Variants in TRANK1 observed in about 807,000 individuals in gnomAD.
TRANK1 encodes the protein TPR and ankyrin repeat-containing protein 1.
In TRANK1, 198 loss-of-function variants were observed where a neutral mutation model predicts 266.0. The observed-to-expected ratio is 0.74, with a 90% CI of 0.66 to 0.84. The LOEUF (loss-of-function observed/expected upper bound fraction) is 0.84, where lower values mean the gene tolerates loss of function less well. Ranked by LOEUF, TRANK1 falls within the 40% of genes least tolerant of loss-of-function variation. The probability of loss-of-function intolerance (pLI) is 0.00; values close to 1 mark genes in which losing one functional copy is unlikely to be tolerated. For missense variants in TRANK1, 3,326 were observed against 3,634.6 expected, an observed-to-expected ratio of 0.92 and a Z score of 2.18; for synonymous variants, 1,396 against 1,384.1, an observed-to-expected ratio of 1.01 and a Z score of -0.19.
intron 1 of TRANK1, among the ~76,000 whole-genome samples, chr3:36,926,532 A>T (rs192294869): frequency 3.3e-5 from 5 of 152,302 alleles, no homozygotes; most frequent in East Asian, 3.9e-4. Flanking sequence ...CAAATAGGGA[A>T]GGCACCAGAA....
chr3:36,861,898 G>A (rs1013769597), intron 10 of TRANK1, among the ~76,000 whole-genome samples: 1 of 151,738 alleles, frequency 6.6e-6, no homozygotes, highest in Non-Finnish European at 1.5e-5. Context: ...GTAGATACAG[G>A]GTTTCACTAT....
Position 36,856,498 on chromosome 3 carries a change from A to G in TRANK1, c.3224T>C (p.Ile1075Thr), listed in dbSNP as rs752020871. The change falls in exon 13 of 24, where the codon ATT (isoleucine) becomes ACT (threonine). Residue 1075 changes from isoleucine to threonine, a missense_variant. Transcript: ENST00000645898. The stretch of plus-strand genomic sequence containing the variant: ...TGTCTTCCCAGTGCCACTTCGCCCA[A>G]TAAGGATGATGGGCTCCAGTGGCCT... Reference protein sequence around the residue: ...NPRPLEPIILIGRSGTGKTTC... With the variant: ...NPRPLEPIILTGRSGTGKTTC... 8 of 1,613,852 alleles carry G rather than the reference A, an allele frequency of 5.0e-6. No individual in the cohort carries two copies. Among genetic ancestry groups the G allele is most frequent in the South Asian group, 1.1e-5 (1 of 91,082 alleles).
chr3:36,943,009 C>T (rs1308883900), intron 1 of TRANK1, among the ~76,000 whole-genome samples: 2 of 152,106 alleles, frequency 1.3e-5, no homozygotes, highest in African/African-American at 2.4e-5. Context: ...GGCGAAACAC[C>T]GTCTCCACTA....
chr3:36,832,034 T>G lies in TRANK1; in HGVS notation c.7549A>C (p.Arg2517=). The G allele has an allele frequency of 6.2e-7, 1 of 1,614,044 alleles. No homozygotes were observed. Among genetic ancestry groups the G allele is most frequent in the Non-Finnish European group, 8.5e-7 (1 of 1,179,902 alleles). The change falls in exon 22 of 24, where the codon AGA becomes CGA. Residue 2517 remains arginine (R), a synonymous_variant. Coordinates refer to ENST00000645898, the MANE Select transcript of TRANK1 (RefSeq NM_001329998.2). Reference sequence around the variant, plus strand: ...TGGAACCGGAAATCCTGAATGGCTCTTGTCACGTCCTTGGGTTTGTATTCC... The same window carrying G: ...TGGAACCGGAAATCCTGAATGGCTCGTGTCACGTCCTTGGGTTTGTATTCC... The part of the protein sequence containing the change: ...IQEYKPKDVT[R]AIQDFRFHLS...
rs1575249280 is a variant in TRANK1 at position 36,879,794 on chromosome 3, A to ATAAATATAATATACAAATATACG, written c.908-5499_908-5498insCGTATATTTGTATATTATATTTA. Among the ~76,000 whole-genome samples, 22 of 47,084 alleles carry ATAAATATAATATACAAATATACG rather than the reference A, an allele frequency of 4.7e-4. 5 individuals are homozygous for ATAAATATAATATACAAATATACG. Among genetic ancestry groups the ATAAATATAATATACAAATATACG allele is most frequent in the African/African-American group, 2.2e-3 (22 of 9,836 alleles). 30.9% of individuals were successfully genotyped at this position (47,084 alleles called of 152,430 possible). ...TAAATATATATAAATATGTAAATAT[A>ATAAATATAATATACAAATATACG]TAAATATACAAATATATGTAAATAT... On this transcript the variant is annotated intron_variant, in intron 8 of 23. Coordinates refer to ENST00000645898, the MANE Select transcript of TRANK1 (RefSeq NM_001329998.2).
rs867879203 is a variant in TRANK1, at chr3:36,879,695, T to A, written c.908-5399A>T. 2.5e-5 allele frequency among the ~76,000 whole-genome samples: 2 copies of A among 80,642 alleles called. 1 individual carries two copies. Among genetic ancestry groups the A allele is most frequent in the South Asian group, 6.5e-4 (2 of 3,058 alleles). The allele number at this position is 80,642 out of a possible 152,430, so 52.9% of individuals were successfully genotyped here. A position where few individuals can be genotyped will look rare whatever the true frequency, so the allele number is the denominator to read the frequency against. On this transcript the variant is annotated intron_variant, in intron 8 of 23. Coordinates refer to ENST00000645898, the MANE Select transcript of TRANK1 (RefSeq NM_001329998.2). ...ATAAATATATAAATATATAAATATA[T>A]AAATATAAATATAAATATATAAATA...
chr3:36,908,178 G>T, intron 2 of TRANK1, 145 bp downstream of exon 2: 1 of 976,146 alleles, frequency 1.0e-6, no homozygotes, highest in Non-Finnish European at 1.3e-6. Flanking sequence ...TCACTTCTAA[G>T]CTGACAATGC....
chr3:36,886,602 A>G (rs770763069), intron 8 of TRANK1, among the ~76,000 whole-genome samples: 3 of 152,144 alleles, frequency 2.0e-5, no homozygotes, highest in Non-Finnish European at 2.9e-5. Context: ...TTTCAAAGAC[A>G]GTACAAAACA....
intron 1 of TRANK1, among the ~76,000 whole-genome samples, chr3:36,912,290 G>A (rs748047534): frequency 6.6e-6 from 1 of 152,128 alleles, no homozygotes; most frequent in Admixed American, 6.5e-5. Flanking sequence ...ACTTGCCACA[G>A]TCACACTGAA....
rs537241966 is a variant in TRANK1 at position 36,922,957 on chromosome 3, A to G, written c.24-14503T>C. On this transcript the variant is annotated intron_variant, in intron 1 of 23. Coordinates refer to ENST00000645898, the MANE Select transcript of TRANK1 (RefSeq NM_001329998.2). Reference sequence around the variant, plus strand: ...AGCAACAACAGACATCAGATAAACTATAAGTCTGTCTTTCTTCATGGTCCA... The same window carrying G: ...AGCAACAACAGACATCAGATAAACTGTAAGTCTGTCTTTCTTCATGGTCCA... Among the ~76,000 whole-genome samples the G allele has an allele frequency of 4.1e-4, 63 of 152,282 alleles. 1 individual carries two copies. Among genetic ancestry groups the G allele is most frequent in the African/African-American group, 1.3e-3 (55 of 41,546 alleles).
At chr3:36,922,203 C>G (rs973243395) in intron 1 of TRANK1, among the ~76,000 whole-genome samples, 2 of 152,090 alleles carry the variant, frequency 1.3e-5, no homozygotes, top group African/African-American at 4.8e-5. Flanking sequence ...AGCTCTGTGA[C>G]AGTTACTATT....
intron 1 of TRANK1, among the ~76,000 whole-genome samples, chr3:36,922,681 C>A (rs1231477087): frequency 1.3e-5 from 2 of 151,600 alleles, no homozygotes; most frequent in African/African-American, 2.4e-5. Context: ...GAGGCTGAGG[C>A]AGGAGAATCG....
intron 3 of TRANK1, among the ~76,000 whole-genome samples, chr3:36,900,106 G>A (rs1394986835): frequency 6.6e-6 from 1 of 152,124 alleles, no homozygotes; most frequent in African/African-American, 2.4e-5. Flanking sequence ...GCATCTTCCT[G>A]CCTCGGCCTC....
At chr3:36,830,175 C>T (rs912334869) in intron 22 of TRANK1, among the ~76,000 whole-genome samples, 4 of 152,038 alleles carry the variant, frequency 2.6e-5, no homozygotes, top group Non-Finnish European at 4.4e-5. Context: ...ATTAGCTGTG[C>T]ATGGTGATAG....
rs757282786 is a variant in TRANK1 at position 36,851,796 on chromosome 3, G to C, written c.4810C>G (p.Leu1604Val). The C allele has an allele frequency of 6.2e-7, 1 of 1,611,950 alleles. No homozygotes were observed. Among genetic ancestry groups the C allele is most frequent in the Admixed American group, 1.7e-5 (1 of 59,732 alleles). The change falls in exon 15 of 24, where the codon CTT (leucine) becomes GTT (valine). Residue 1604 changes from leucine (L) to valine (V), a missense_variant. Coordinates refer to ENST00000645898, the MANE Select transcript of TRANK1 (RefSeq NM_001329998.2). The stretch of plus-strand genomic sequence containing the variant: ...TTTGCTTCATAAATTGTTAGCACAA[G>C]TGCTAACCCCAGCTCTTCTGGAATT... ...EKIPEELGLA[L>V]VLTIYEAKGL...
At chr3:36,870,962 T>TAAAAAAAAAAAAAAAAAAAAAAAA (rs563787088) in intron 9 of TRANK1, among the ~76,000 whole-genome samples, 1 of 65,102 alleles carries the variant, frequency 1.5e-5, no homozygotes, top group Non-Finnish European at 2.9e-5. Flanking sequence ...ACAAGGAAAC[T>TAAAAAAAAAAAAAAAAAAAAAAAA]AAAAAAAAAA....
chr3:36,904,793 A>G (rs560287507), intron 2 of TRANK1, among the ~76,000 whole-genome samples: 11 of 152,208 alleles, frequency 7.2e-5, no homozygotes, highest in African/African-American at 2.4e-4. Flanking sequence ...CGCAAGTGTA[A>G]GAGATGCCAT....
intron 4 of TRANK1, among the ~76,000 whole-genome samples, chr3:36,896,728 C>T (rs933885655): frequency 6.6e-6 from 1 of 152,206 alleles, no homozygotes; most frequent in African/African-American, 2.4e-5. Flanking sequence ...GGTGCAGTGG[C>T]TCACACCTGT....
In TRANK1 at chr3:36,832,830, T is replaced by C; in HGVS notation, c.6753A>G (p.Lys2251=). 6.2e-7 allele frequency: 1 copy of C among 1,613,998 alleles called. No individual in the cohort carries two copies. The highest frequency in any genetic ancestry group is 8.5e-7 in the Non-Finnish European group (1 of 1,179,860). Residue 2251 remains lysine, a synonymous_variant, in exon 22 of 24, where the codon AAA becomes AAG. Coordinates refer to ENST00000645898, the MANE Select transcript of TRANK1 (RefSeq NM_001329998.2). ...CTGTAGACAAAATATAATCAATTTC[T>C]TTAAGTTCTTCTGCTAAGATTTTAG... ...VFPKILAEEL[K]EIDYILSTDM...
Sources: gnomAD v4.1 joint callset for allele counts (sites outside exome capture counted in the v4.1 genomes callset) on GRCh38, gnomAD v4.1.1 for gene constraint, MANE v1.5 for transcripts, NCBI Gene and HGNC (gene_info 2026-07-23, HGNC 2026-07-21) for gene names.